MATR3: variants seen among roughly 807,000 people sequenced by gnomAD.
MATR3 encodes matrin 3.
MATR3 carries 4 observed loss-of-function variants against 85.5 expected under a neutral mutation model. The observed-to-expected ratio is 0.05, with a 90% CI of 0.02 to 0.11. The LOEUF (loss-of-function observed/expected upper bound fraction) is 0.11. Ranked by LOEUF, MATR3 falls within the 10% of genes least tolerant of loss-of-function variation. The pLI is 1.00. For missense variants in MATR3, 685 were observed against 1,016.1 expected, an observed-to-expected ratio of 0.67 and a Z score of 4.43; for synonymous variants, 336 against 343.1, an observed-to-expected ratio of 0.98 and a Z score of 0.23.
At chr5:139,305,420 A>G (rs181168802) in intron 1 of MATR3, among the ~76,000 whole-genome samples, 31 of 152,322 alleles carry the variant, frequency 2.0e-4, no homozygotes, top group Admixed American at 1.8e-3. Context: ...AATTCAAAAG[A>G]CTGACTTTTC....
At chr5:139,326,127 A>G in intron 13 of MATR3, 36 bp from the exon 14 acceptor site, 1 of 1,510,448 alleles carries the variant, frequency 6.6e-7, no homozygotes, top group Non-Finnish European at 9.2e-7. Context: ...TAAAATCTTC[A>G]GTTTAATTTG....
At chr5:139,284,589 CAGACTG>C (rs1173260433) in intron 3 of MATR3, among the ~76,000 whole-genome samples, 1 of 150,304 alleles carries the variant, frequency 6.7e-6, no homozygotes, top group Non-Finnish European at 1.5e-5. Flanking sequence ...GCCTGGGTGA[CAGACTG>C]AGACAGTCTC....
intron 3 of MATR3, chr5:139,279,537 AC>A (rs1214478138): frequency 3.5e-5 from 6 of 171,268 alleles, no homozygotes; most frequent in Admixed American, 3.5e-4. Context: ...ACGGAGTCTC[AC>A]TGTCTCCCAG....
intron 1 of MATR3, among the ~76,000 whole-genome samples, chr5:139,296,699 C>CA (rs1754173245): frequency 6.6e-6 from 1 of 152,056 alleles, no homozygotes; most frequent in Admixed American, 6.5e-5. Flanking sequence ...TATTCTTAGG[C>CA]AAAAATGTTA....
At chr5:139,278,561 C>A in intron 2 of MATR3, 1 of 359,688 alleles carries the variant, frequency 2.8e-6, no homozygotes, top group Admixed American at 3.5e-5. Context: ...TTATTCACTG[C>A]TAGATCCCAA....
intron 3 of MATR3, among the ~76,000 whole-genome samples, chr5:139,287,593 T>C (rs1326386989): frequency 1.3e-5 from 2 of 152,002 alleles, no homozygotes; most frequent in Non-Finnish European, 2.9e-5. Flanking sequence ...CACACTAGCC[T>C]GGGCAACGAG....
In MATR3 at chr5:139,284,755, G is replaced by C. The variant is rs187449284; in HGVS notation, c.-178+5626G>C. 2.4e-3 allele frequency among the ~76,000 whole-genome samples: 369 copies of C among 152,208 alleles called. 9 individuals are homozygous for C. The South Asian group carries it at 0.052, about 22-fold the overall frequency. ...TTGAGAAAATTTGTGAGACATCTTT[G>C]TGTAAATTATAACTTGAAGAACCTC... is the stretch of plus-strand genomic sequence containing the variant. On this transcript the variant is annotated intron_variant, in intron 3 of 16. Coordinates refer to ENST00000509990, the Ensembl canonical transcript of MATR3.
At chr5:139,293,965 C>G (rs1753988634) in intron 1 of MATR3, 160 bp downstream of exon 1, 2 of 1,260,518 alleles carry the variant, frequency 1.6e-6, no homozygotes, top group Non-Finnish European at 2.0e-6. Context: ...TGTGAGCCGC[C>G]TGATCGGCGG....
intron 1 of MATR3, chr5:139,294,017 A>G (rs1299365339): frequency 2.3e-6 from 3 of 1,281,264 alleles, no homozygotes; most frequent in Non-Finnish European, 2.0e-6. Context: ...CCAGCCTTCT[A>G]GGGCGGCGGA....
intron 3 of MATR3, among the ~76,000 whole-genome samples, chr5:139,285,977 A>G (rs983782426): frequency 1.3e-5 from 2 of 152,224 alleles, no homozygotes; most frequent in African/African-American, 2.4e-5. Context: ...AGTTTACTTA[A>G]AGGAAACTTC....
At chr5:139,294,233 G>C in intron 1 of MATR3, 1 of 417,636 alleles carries the variant, frequency 2.4e-6, no homozygotes, top group Non-Finnish European at 4.1e-6. Flanking sequence ...GGGACAGACT[G>C]TACACTGGGG....
At chr5:139,297,050 T>C (rs1043254891) in intron 1 of MATR3, among the ~76,000 whole-genome samples, 3 of 152,128 alleles carry the variant, frequency 2.0e-5, no homozygotes, top group Non-Finnish European at 4.4e-5. Context: ...CAGGCACCTG[T>C]AATGTAATCC....
rs145038989 is a variant in MATR3, at chr5:139,321,635, T to C, written c.1603-263T>C. On this transcript the variant is annotated intron_variant, in intron 9 of 14. Coordinates refer to ENST00000394805, the MANE Select transcript of MATR3 (RefSeq NM_018834.6). ...GCACCTCTACAAAAAATACAAAAAT[T>C]AGCCAGGCATTGGTGGTGCATGCCT... is the stretch of plus-strand genomic sequence containing the variant. Among the ~76,000 whole-genome samples the C allele has an allele frequency of 1.5e-3, 222 of 152,086 alleles. 1 individual carries two copies. Among genetic ancestry groups the C allele is most frequent in the Non-Finnish European group, 2.5e-3 (172 of 67,980 alleles).
At chr5:139,300,616 G>GA (rs1754390077) in intron 1 of MATR3, among the ~76,000 whole-genome samples, 1 of 152,102 alleles carries the variant, frequency 6.6e-6, no homozygotes, top group Non-Finnish European at 1.5e-5. Context: ...TGATTACTAC[G>GA]GTGCTGTGTG....
chr5:139,312,313 G>A (rs1278836627), intron 2 of MATR3: 3 of 152,336 alleles, frequency 2.0e-5, no homozygotes, highest in African/African-American at 7.2e-5. Flanking sequence ...GCCCAGGCTG[G>A]TCTCAAACTC....
At chr5:139,275,981 A>G (rs966104180) in intron 1 of MATR3, 10 of 453,040 alleles carry the variant, frequency 2.2e-5, no homozygotes, top group South Asian at 7.7e-5. Flanking sequence ...AAACAAAGCT[A>G]AACAAGGATA....
At chr5:139,304,499 T>TG (rs1404397122) in intron 1 of MATR3, among the ~76,000 whole-genome samples, 1 of 142,552 alleles carries the variant, frequency 7.0e-6, no homozygotes, top group African/African-American at 2.7e-5. Flanking sequence ...AAACTCCATC[T>TG]GAAAAAAAAA....
At chr5:139,288,493 T>C (rs892015369) in intron 3 of MATR3, among the ~76,000 whole-genome samples, 1 of 152,200 alleles carries the variant, frequency 6.6e-6, no homozygotes, top group African/African-American at 2.4e-5. Flanking sequence ...TTTCATCTAA[T>C]AGTTGAGAAC....
intron 1 of MATR3, among the ~76,000 whole-genome samples, chr5:139,302,792 A>G (rs1338880417): frequency 1.3e-5 from 2 of 152,196 alleles, no homozygotes; most frequent in East Asian, 1.9e-4. Context: ...TATTTGGTAT[A>G]TTTTCACATG....
Sources: gnomAD v4.1 joint callset for allele counts (sites outside exome capture counted in the v4.1 genomes callset) on GRCh38, gnomAD v4.1.1 for gene constraint, MANE v1.5 for transcripts, NCBI Gene and HGNC (gene_info 2026-07-23, HGNC 2026-07-21) for gene names.